GRK3: variants seen among roughly 807,000 people sequenced by gnomAD.
GRK3 encodes the protein G protein-coupled receptor kinase 3, also known as adrenergic, beta, receptor kinase 2.
A neutral mutation model predicts 95.7 loss-of-function variants in GRK3; 54 were observed. The ratio of observed to expected loss-of-function variants is 0.56; its 90% CI spans 0.45 to 0.71. GRK3 has a LOEUF of 0.71. Ranked by LOEUF, GRK3 falls within the 30% of genes least tolerant of loss-of-function variation. The probability of loss-of-function intolerance (pLI) is 0.00; values close to 1 mark genes in which losing one functional copy is unlikely to be tolerated. For missense variants in GRK3, 649 were observed against 851.2 expected (o/e 0.76, Z 2.96); for synonymous variants, 281 against 290.8 (o/e 0.97, Z 0.34).
intron 3 of GRK3, among the ~76,000 whole-genome samples, chr22:25,651,245 G>A (rs1198225877): frequency 6.6e-6 from 1 of 152,118 alleles, no homozygotes; most frequent in African/African-American, 2.4e-5. Flanking sequence ...TGAAGGTCTA[G>A]TGTGTATGTT....
chr22:25,700,613 C>T (rs574864326), intron 13 of GRK3, among the ~76,000 whole-genome samples: 15 of 152,234 alleles, frequency 9.9e-5, no homozygotes, highest in East Asian at 1.9e-4. Flanking sequence ...TTTGAGACGG[C>T]GTCTCGCTCT....
intron 2 of GRK3, among the ~76,000 whole-genome samples, chr22:25,625,878 ACACGTGACC>A (rs566768178): frequency 0.02 from 3,052 of 152,222 alleles, 46 homozygotes; most frequent in Non-Finnish European, 0.028. Flanking sequence ...TGTCCAGTGG[ACACGTGACC>A]CACGTGACCT....
chr22:25,717,529 T>G (rs190837655), intron 18 of GRK3, among the ~76,000 whole-genome samples: 60 of 152,342 alleles, frequency 3.9e-4, no homozygotes, highest in Middle Eastern at 3.4e-3. Context: ...CCAGAATATC[T>G]GGAACATGCC....
Position 25,588,615 on chromosome 22 carries a change from T to A in GRK3, c.114-15762T>A, listed in dbSNP as rs181052912. Among the ~76,000 whole-genome samples the A allele has an allele frequency of 3.1e-3, 473 of 152,234 alleles. 2 individuals are homozygous for A. The highest frequency in any genetic ancestry group is 0.016 in the South Asian group (79 of 4,818). ...CTGTTTTGCGTGCTTGATGAGTGGT[T>A]TGTGGAAAATACTTAGTAACTACAT... On this transcript the variant is annotated intron_variant, in intron 1 of 20. Transcript: ENST00000324198.
intron 1 of GRK3, among the ~76,000 whole-genome samples, chr22:25,586,344 T>C (rs977781726): frequency 6.6e-6 from 1 of 152,302 alleles, no homozygotes; most frequent in Non-Finnish European, 1.5e-5. Context: ...AACTTAATTG[T>C]ACATTTTAAA....
rs970779091 is a variant in GRK3, at chr22:25,725,236, A to AT, written c.*2794dup. ...TATTAAAAAGGTCAAAATTCAGCCT[A>AT]TTTTTTTTCATTATTTTAGATTCCT... On this transcript the variant is annotated 3_prime_UTR_variant, in exon 21 of 21. Coordinates refer to ENST00000324198, the MANE Select transcript of GRK3 (RefSeq NM_005160.4). 301 of 238,936 alleles carry AT rather than the reference A, an allele frequency of 1.3e-3. 2 individuals carry two copies. Among genetic ancestry groups the AT allele is most frequent in the Non-Finnish European group, 5.6e-4 (71 of 126,030 alleles). The allele number at this position is 238,936 out of a possible 1,614,324, so 14.8% of individuals were successfully genotyped here.
chr22:25,682,618 T>C (rs1418299576), intron 9 of GRK3, among the ~76,000 whole-genome samples: 1 of 152,216 alleles, frequency 6.6e-6, no homozygotes, highest in African/African-American at 2.4e-5. Context: ...ATAGACAATC[T>C]AGGCCATTTT....
At chr22:25,619,578 G>C (rs1032790513) in intron 2 of GRK3, among the ~76,000 whole-genome samples, 1 of 151,728 alleles carries the variant, frequency 6.6e-6, no homozygotes, top group Non-Finnish European at 1.5e-5. Flanking sequence ...CGAACTCCTG[G>C]ACTCATGTGA....
chr22:25,625,608 G>T (rs983443676), intron 2 of GRK3, among the ~76,000 whole-genome samples: 7 of 152,194 alleles, frequency 4.6e-5, no homozygotes, highest in Admixed American at 4.6e-4. Flanking sequence ...TCCACCTTTT[G>T]TGGAGGGCCT....
chr22:25,718,106 T>C (rs1282486826), intron 18 of GRK3, 139 bp from the exon 19 acceptor site: 5 of 888,856 alleles, frequency 5.6e-6, no homozygotes, highest in Non-Finnish European at 6.9e-6. Flanking sequence ...AAAACTAAAA[T>C]CGTGACTTCT....
intron 17 of GRK3, among the ~76,000 whole-genome samples, chr22:25,711,503 A>G (rs1482292129): frequency 1.3e-5 from 2 of 152,202 alleles, no homozygotes; most frequent in African/African-American, 4.8e-5. Context: ...AGCTGTCTCA[A>G]TTCTTCTAAG....
chr22:25,627,410 C>G (rs1434319628), intron 2 of GRK3, among the ~76,000 whole-genome samples: 11 of 152,224 alleles, frequency 7.2e-5, no homozygotes, highest in African/African-American at 2.4e-4. Context: ...CACCTTTTCC[C>G]TGTAGGAACT....
In GRK3 at chr22:25,661,947, A is replaced by C. The variant is rs914146552; in HGVS notation, c.366+270A>C. Among the ~76,000 whole-genome samples the C allele has an allele frequency of 8.5e-5, 13 of 152,232 alleles. No individual in the cohort carries two copies. In the South Asian group the frequency reaches 1.4e-3, roughly 17 times the overall value. On this transcript the variant is annotated intron_variant, in intron 4 of 20. Coordinates refer to ENST00000324198, the MANE Select transcript of GRK3 (RefSeq NM_005160.4). ...TGCTAATTTAGATCAACTGAAGAAA[A>C]AGTCTCAATTCAAGACATTCTAAAG...
At position 25,696,384 on chromosome 22, in the gene GRK3, A is replaced by G. The variant is rs191480143; in HGVS notation, c.1160+1170A>G. ...TGGCCCTTGTTCTGAACTACCAAAG[A>G]TGATGAAATAGAGTAGAAAAGATTA... On this transcript the variant is annotated intron_variant, in intron 13 of 20. Transcript: ENST00000324198. Among the ~76,000 whole-genome samples the G allele has an allele frequency of 3.9e-5, 6 of 152,312 alleles. 1 individual carries two copies. Among genetic ancestry groups the G allele is most frequent in the African/African-American group, 1.4e-4 (6 of 41,580 alleles).
At chr22:25,709,165 G>A (rs2085324033) in intron 15 of GRK3, among the ~76,000 whole-genome samples, 1 of 151,988 alleles carries the variant, frequency 6.6e-6, no homozygotes, top group Admixed American at 6.6e-5. Flanking sequence ...AGCCTTCCGA[G>A]TAGCTGGGAT....
At chr22:25,617,836 G>T (rs1211756798) in intron 2 of GRK3, among the ~76,000 whole-genome samples, 1 of 152,128 alleles carries the variant, frequency 6.6e-6, no homozygotes, top group African/African-American at 2.4e-5. Flanking sequence ...GAGTGCAATG[G>T]CTTGATCTCG....
At chr22:25,701,754 T>A (rs989199136) in intron 13 of GRK3, among the ~76,000 whole-genome samples, 2 of 152,200 alleles carry the variant, frequency 1.3e-5, no homozygotes, top group African/African-American at 4.8e-5. Context: ...AGATCTTCAC[T>A]TAATCCCTTT....
At chr22:25,617,377 CT>C (rs1429558854) in intron 2 of GRK3, among the ~76,000 whole-genome samples, 1 of 152,114 alleles carries the variant, frequency 6.6e-6, no homozygotes, top group Non-Finnish European at 1.5e-5. Context: ...GATTTTGGCC[CT>C]TTCTCTCAGT....
chr22:25,684,367 A>G (rs1232171875), intron 9 of GRK3, among the ~76,000 whole-genome samples: 4 of 152,382 alleles, frequency 2.6e-5, no homozygotes, highest in Middle Eastern at 6.8e-3. Flanking sequence ...TTTAGAATCC[A>G]ACTTGTCAAT....
Sources: gnomAD v4.1 joint callset for allele counts (sites outside exome capture counted in the v4.1 genomes callset) on GRCh38, gnomAD v4.1.1 for gene constraint, MANE v1.5 for transcripts, NCBI Gene and HGNC (gene_info 2026-07-23, HGNC 2026-07-21) for gene names.